WDR88: variants seen among roughly 807,000 people sequenced by gnomAD.
WDR88 encodes WD repeat-containing protein 88.
WDR88 carries 40 observed loss-of-function variants against 46.8 expected under a neutral mutation model. The observed-to-expected ratio is 0.86, with a 90% CI of 0.66 to 1.11. The LOEUF (loss-of-function observed/expected upper bound fraction) is 1.11, where lower values mean the gene tolerates loss of function less well. WDR88 is among the 50% of genes most tolerant of loss of function. The pLI, the probability that WDR88 is intolerant of heterozygous loss-of-function variation, is 0.00. For synonymous variants in WDR88, 235 were observed against 240.7 expected, an observed-to-expected ratio of 0.98 and a Z score of 0.22; for missense variants, 562 against 602.4, an observed-to-expected ratio of 0.93 and a Z score of 0.70.
intron 6 of WDR88, among the ~76,000 whole-genome samples, chr19:33,154,276 A>G (rs1421852355): frequency 6.6e-6 from 1 of 152,074 alleles, no homozygotes; most frequent in East Asian, 1.9e-4. Flanking sequence ...TTACATAGGT[A>G]CACATGTGCC....
chr19:33,172,980 T>A (rs1322997070), intron 10 of WDR88, among the ~76,000 whole-genome samples: 1 of 149,168 alleles, frequency 6.7e-6, no homozygotes, highest in Non-Finnish European at 1.5e-5. Flanking sequence ...TACTACCAGC[T>A]ACTCGAGAGG....
At chr19:33,173,339 G>A (rs1974072061) in intron 10 of WDR88, among the ~76,000 whole-genome samples, 1 of 152,150 alleles carries the variant, frequency 6.6e-6, no homozygotes, top group Non-Finnish European at 1.5e-5. Flanking sequence ...CATGCAAAAG[G>A]CTTAGGTGCC....
intron 9 of WDR88, among the ~76,000 whole-genome samples, chr19:33,169,380 C>T (rs776265071): frequency 1.3e-5 from 2 of 152,010 alleles, no homozygotes; most frequent in Non-Finnish European, 2.9e-5. Context: ...TAAAGAACTT[C>T]GAAAACTCAA....
intron 6 of WDR88, among the ~76,000 whole-genome samples, chr19:33,153,211 T>C (rs1232439924): frequency 6.9e-6 from 1 of 145,522 alleles, no homozygotes; most frequent in East Asian, 2.1e-4. Context: ...CCACCATGCC[T>C]GGCTAATTTT....
intron 10 of WDR88, chr19:33,174,534 T>G: frequency 1.0e-6 from 1 of 985,036 alleles, no homozygotes; most frequent in Non-Finnish European, 1.2e-6. Context: ...GCCATTTGTT[T>G]TCAGTGTACT....
At chr19:33,150,417 C>T (rs577408958) in intron 5 of WDR88, among the ~76,000 whole-genome samples, 3 of 152,232 alleles carry the variant, frequency 2.0e-5, no homozygotes, top group Non-Finnish European at 4.4e-5. Context: ...CCTCTGCGCT[C>T]CAGCCCAGGT....
At position 33,164,209 on chromosome 19, in the gene WDR88, TG is replaced by T; in HGVS notation, c.1096del (p.Val366Ter). 1 of 1,613,938 alleles carries T rather than the reference TG, an allele frequency of 6.2e-7. No homozygotes were observed. The highest frequency in any genetic ancestry group is 2.2e-5 in the East Asian group (1 of 44,882). On this transcript the variant is annotated frameshift_variant, in exon 9 of 11. Coordinates refer to ENST00000355868, the MANE Select transcript of WDR88 (RefSeq NM_173479.4). LOFTEE classifies it high-confidence loss of function. The stretch of plus-strand genomic sequence containing the variant: ...GATATTTCTTCAGGGCCATAATGAC[TG>T]GGTGATGGATGTTGCCATTAGCAAC... ...RKLSLKGHND[W>X]VMDVAISNNK...
chr19:33,147,800 G>A, intron 4 of WDR88, 92 bp downstream of exon 4: 1 of 1,167,120 alleles, frequency 8.6e-7, no homozygotes, highest in Non-Finnish European at 1.2e-6. Flanking sequence ...GGTAGGGGGA[G>A]GTGATAAAAC....
At chr19:33,132,558 A>G (rs1973150875) in intron 1 of WDR88, 113 bp downstream of exon 1, 5 of 1,462,702 alleles carry the variant, frequency 3.4e-6, no homozygotes, top group African/African-American at 1.4e-5. Flanking sequence ...CAGGACCCCC[A>G]GCGAGGCCCT....
At position 33,175,690 on chromosome 19, in the gene WDR88, C is replaced by A. The variant is rs757466169; in HGVS notation, c.*118C>A. The stretch of plus-strand genomic sequence containing the variant: ...GCTCAGCAGGCCTGTCAGACTGGGG[C>A]AGGACCCAAGCCCTGGCTGGACTCA... On this transcript the variant is annotated 3_prime_UTR_variant, in exon 11 of 11. Coordinates refer to ENST00000355868, the MANE Select transcript of WDR88 (RefSeq NM_173479.4). 139 of 1,284,294 alleles carry A rather than the reference C, an allele frequency of 1.1e-4. No homozygotes were observed. The highest frequency in any genetic ancestry group is 1.5e-4 in the Non-Finnish European group (134 of 923,120). The allele number at this position is 1,284,294 out of a possible 1,614,324, so 79.6% of individuals were successfully genotyped here.
intron 9 of WDR88, among the ~76,000 whole-genome samples, chr19:33,169,024 G>C (rs1973996668): frequency 6.6e-6 from 1 of 152,124 alleles, no homozygotes; most frequent in South Asian, 2.1e-4. Context: ...AATGGTGCTA[G>C]GAAAATTGGA....
intron 7 of WDR88, 111 bp from the exon 8 acceptor site, chr19:33,160,303 G>GTT: frequency 1.9e-6 from 2 of 1,039,052 alleles, no homozygotes; most frequent in Non-Finnish European, 3.0e-6. Flanking sequence ...GGGTTTCAGT[G>GTT]TTGTCAGAGT....
intron 3 of WDR88, among the ~76,000 whole-genome samples, chr19:33,146,489 TTCCTTC>T (rs1973520831): frequency 1.5e-5 from 1 of 68,534 alleles, no homozygotes; most frequent in Admixed American, 2.3e-4. Flanking sequence ...CCTTCCTTCC[TTCCTTC>T]CCCTTCCTTC....
At chr19:33,166,599 T>TA (rs200374592) in intron 9 of WDR88, among the ~76,000 whole-genome samples, 17 of 150,494 alleles carry the variant, frequency 1.1e-4, no homozygotes, top group Admixed American at 5.3e-4. Context: ...CCTGTCTCTT[T>TA]AAAAAAAAAT....
intron 9 of WDR88, among the ~76,000 whole-genome samples, chr19:33,166,243 A>G (rs1395871553): frequency 7.3e-6 from 1 of 136,664 alleles, no homozygotes; most frequent in Non-Finnish European, 1.5e-5. Flanking sequence ...GCATCACTGC[A>G]CTCCAGCCTG....
Position 33,175,491 on chromosome 19 carries a change from C to A in WDR88, c.1338C>A (p.Gly446=), listed in dbSNP as rs1974108190. 1 of 1,614,218 alleles carries A rather than the reference C, an allele frequency of 6.2e-7. No homozygotes were observed. ...TGTTCTGCCGGATAGATACAAGGGGCTTGCCAGCAGATACTTCATCGTCAT... is the reference window on the plus strand; with the variant it reads ...TGTTCTGCCGGATAGATACAAGGGGATTGCCAGCAGATACTTCATCGTCAT... ...QCVFCRIDTR[G]LPADTSSSSS... The change falls in exon 11 of 11, where the codon GGC becomes GGA. Residue 446 remains glycine (G), a synonymous_variant. Coordinates refer to ENST00000355868, the MANE Select transcript of WDR88 (RefSeq NM_173479.4).
At chr19:33,169,510 T>C (rs1252253213) in intron 9 of WDR88, among the ~76,000 whole-genome samples, 2 of 152,060 alleles carry the variant, frequency 1.3e-5, no homozygotes, top group Non-Finnish European at 2.9e-5. Context: ...CATTAGTCAT[T>C]AGGGAAATGC....
At chr19:33,163,514 A>C (rs191735950) in intron 8 of WDR88, among the ~76,000 whole-genome samples, 183 of 152,054 alleles carry the variant, frequency 1.2e-3, no homozygotes, top group African/African-American at 3.8e-3. Context: ...ACAAACAAAC[A>C]AACCCCAAAA....
chr19:33,170,429 G>A (rs1302252143), intron 9 of WDR88, among the ~76,000 whole-genome samples: 6 of 150,474 alleles, frequency 4.0e-5, no homozygotes, highest in Admixed American at 3.3e-4. Flanking sequence ...ATTCGACCGC[G>A]TTGGCCTCCC....
Sources: gnomAD v4.1 joint callset for allele counts (sites outside exome capture counted in the v4.1 genomes callset) on GRCh38, gnomAD v4.1.1 for gene constraint, MANE v1.5 for transcripts, NCBI Gene and HGNC (gene_info 2026-07-23, HGNC 2026-07-21) for gene names.